EIF2B2: variants seen among roughly 807,000 people sequenced by gnomAD.
EIF2B2 encodes the protein eukaryotic translation initiation factor 2B subunit beta.
A neutral mutation model predicts 34.7 loss-of-function variants in EIF2B2; 34 were observed. The ratio of observed to expected loss-of-function variants is 0.98; its 90% CI spans 0.75 to 1.31. The LOEUF (loss-of-function observed/expected upper bound fraction) is 1.31. Ranked by LOEUF, EIF2B2 falls within the 50% of genes most tolerant of loss-of-function variation. The pLI is 0.00. For missense variants in EIF2B2, 361 were observed against 447.7 expected (o/e 0.81, Z 1.75); for synonymous variants, 155 against 171.6 (o/e 0.90, Z 0.76).
In EIF2B2 at chr14:75,003,090, A is replaced by G. The variant is rs1889563149; in HGVS notation, c.100A>G (p.Met34Val). ...TGGTGGGCCGCGCAGCTCCGAGGAA[A>G]TGGCTCGGGAGACCCTAGGGTTGCT... ...RGGGPRSSEE[M>V]ARETLGLLRQ... Residue 34 changes from methionine (M) to valine (V), a missense_variant, in exon 1 of 8, where the codon ATG becomes GTG. Coordinates refer to ENST00000266126, the MANE Select transcript of EIF2B2 (RefSeq NM_014239.4). 1 of 1,613,756 alleles carries G rather than the reference A, an allele frequency of 6.2e-7. No homozygotes were observed. The highest frequency in any genetic ancestry group is 1.7e-5 in the Admixed American group (1 of 59,998).
Position 75,006,836 on chromosome 14 carries a change from G to T in EIF2B2, c.831+122G>T. The stretch of plus-strand genomic sequence containing the variant: ...TCCATTTATCTGCATTTACTCAATG[G>T]ATTACACCCAGTGGAGGCTGGAAAG... On this transcript the variant is annotated intron_variant, in intron 6 of 7. Transcript: ENST00000266126. The surrounding 1 kb of genome is among the most constrained non-coding windows in gnomAD (Gnocchi z 4.1). The T allele has an allele frequency of 3.6e-6, 5 of 1,397,270 alleles. No homozygotes were observed. Among genetic ancestry groups the T allele is most frequent in the Non-Finnish European group, 5.0e-6 (5 of 995,126 alleles). 86.6% of individuals were successfully genotyped at this position (1,397,270 alleles called of 1,614,324 possible).
intron 7 of EIF2B2, chr14:75,008,184 T>C (rs1367741028): frequency 7.0e-6 from 2 of 284,122 alleles, no homozygotes; most frequent in Admixed American, 5.0e-5. Flanking sequence ...TGTTCCTCCT[T>C]AGAAAACTCA....
intron 4 of EIF2B2, 124 bp from the exon 5 acceptor site, chr14:75,005,742 C>G (rs1889617623): frequency 2.6e-6 from 2 of 783,258 alleles, no homozygotes; most frequent in Admixed American, 3.5e-5. Context: ...AATGAGTTAT[C>G]TATTGGAAAT....
chr14:75,003,549 A>G lies in EIF2B2; in HGVS notation c.285-2A>G, dbSNP rs376049144. 2.5e-6 allele frequency: 4 copies of G among 1,614,098 alleles called. No individual in the cohort carries two copies. Among genetic ancestry groups the G allele is most frequent in the Non-Finnish European group, 2.5e-6 (3 of 1,180,016 alleles). On this transcript the variant is annotated splice_acceptor_variant, in intron 2 of 7. Transcript: ENST00000266126. LOFTEE classifies it high-confidence loss of function. ...TCTCTTTGGGTCTTGTTGCCTCTAT[A>G]GACTCCATGGACGCAGCGACGAGAG...
rs1403618455 is a variant in EIF2B2, at chr14:75,003,277, G to A, written c.166G>A (p.Glu56Lys). The A allele has an allele frequency of 1.2e-6, 2 of 1,613,744 alleles. No individual in the cohort carries two copies. Among genetic ancestry groups the A allele is most frequent in the East Asian group, 2.2e-5 (1 of 44,864 alleles). ...ITDHRWSNAG[E>K]LMELIRREGR... is the part of the protein sequence containing the mutation. Reference sequence around the variant, plus strand: ...ATCCTCTCTCTTTTGGACTGTAGGGGAGCTGATGGAGCTGATCCGCAGAGA... The same window carrying A: ...ATCCTCTCTCTTTTGGACTGTAGGGAAGCTGATGGAGCTGATCCGCAGAGA... Residue 56 changes from glutamate to lysine, a missense_variant and splice_region_variant, in exon 2 of 8, where the codon GAG becomes AAG. Glu to Lys is a moderately conservative substitution (Grantham distance 56). Transcript: ENST00000266126.
Position 75,010,688 on chromosome 14 carries a change from C to T in EIF2B2, c.*1500C>T, listed in dbSNP as rs1176767326. 6.6e-6 allele frequency: 1 copy of T among 152,126 alleles called. No homozygotes were observed. Among genetic ancestry groups the T allele is most frequent in the African/African-American group, 2.4e-5 (1 of 41,444 alleles). 9.4% of individuals were successfully genotyped at this position (152,126 alleles called of 1,614,324 possible). On this transcript the variant is annotated 3_prime_UTR_variant, in exon 8 of 8. Coordinates refer to ENST00000266126, the MANE Select transcript of EIF2B2 (RefSeq NM_014239.4). The stretch of plus-strand genomic sequence containing the variant: ...CTGATGCCATTGGATGGAACATCTC[C>T]AGTTTTCTGCAGTTCCTACTGGATC...
rs1443277529 is a variant in EIF2B2 at position 75,004,643 on chromosome 14, G to GTGTGT, written c.434-92_434-88dup. The GTGTGT allele has an allele frequency of 1.6e-5, 7 of 427,844 alleles. No homozygotes were observed. The Admixed American group carries it at 1.7e-4, about 11-fold the overall frequency. The allele number at this position is 427,844 out of a possible 1,614,324, so 26.5% of individuals were successfully genotyped here. A position where few individuals can be genotyped will look rare whatever the true frequency, so the allele number is the denominator to read the frequency against. On this transcript the variant is annotated intron_variant, in intron 3 of 7. Transcript: ENST00000266126. Reference sequence around the variant, plus strand: ...ACATCTTTTTCCGTATACGCGTAATGTGTGTTTGTGATATAGCAATTTCAT... The same window carrying GTGTGT: ...ACATCTTTTTCCGTATACGCGTAATGTGTGTTGTGTTTGTGATATAGCAATTTCAT...
At chr14:75,007,433 T>G (rs1889643370) in intron 6 of EIF2B2, 1 of 369,480 alleles carries the variant, frequency 2.7e-6, no homozygotes, top group East Asian at 6.6e-5. Context: ...ATGTTGTGCC[T>G]GACTTTTTTC....
In EIF2B2 at chr14:75,006,690, A is replaced by C; in HGVS notation, c.807A>C (p.Ala269=). The C allele has an allele frequency of 6.2e-7, 1 of 1,614,192 alleles. No individual in the cohort carries two copies. The highest frequency in any genetic ancestry group is 8.5e-7 in the Non-Finnish European group (1 of 1,180,044). The part of the protein sequence containing the change: ...KHHSTPLIVC[A]PMFKLSPQFP... ...ATTCCACCCCACTCATCGTCTGTGC[A>C]CCTATGTTCAAACTTTCTCCACAGG... Residue 269 remains alanine (A), a synonymous_variant, in exon 6 of 8, where the codon GCA becomes GCC. Transcript: ENST00000266126. This position sits in a 1 kb window ranked among gnomAD's most constrained non-coding sequence, Gnocchi z 4.1.
chr14:75,009,521 C>A lies in EIF2B2; in HGVS notation c.*333C>A. 3.0e-6 allele frequency: 1 copy of A among 329,306 alleles called. No individual in the cohort carries two copies. The highest frequency in any genetic ancestry group is 5.8e-6 in the Non-Finnish European group (1 of 171,288). The allele number at this position is 329,306 out of a possible 1,614,324, so 20.4% of individuals were successfully genotyped here. On this transcript the variant is annotated 3_prime_UTR_variant, in exon 8 of 8. Transcript: ENST00000266126. The stretch of plus-strand genomic sequence containing the variant: ...TAACACTGAATACCTTACTGGGATA[C>A]AGATTTTTGCTCAGAAATGGCTATG...
At position 75,009,344 on chromosome 14, in the gene EIF2B2, C is replaced by A; in HGVS notation, c.*156C>A. 1 of 850,172 alleles carries A rather than the reference C, an allele frequency of 1.2e-6. No individual in the cohort carries two copies. Among genetic ancestry groups the A allele is most frequent in the Admixed American group, 1.9e-5 (1 of 52,084 alleles). 52.7% of individuals were successfully genotyped at this position (850,172 alleles called of 1,614,324 possible). On this transcript the variant is annotated 3_prime_UTR_variant, in exon 8 of 8. Coordinates refer to ENST00000266126, the MANE Select transcript of EIF2B2 (RefSeq NM_014239.4). ...TACTGTTGCCTGCCTTTTTAGTCACCCCGTAACAAGGGCACACATCCAGGA... is the reference window on the plus strand; with the variant it reads ...TACTGTTGCCTGCCTTTTTAGTCACACCGTAACAAGGGCACACATCCAGGA...
rs764989690 is a variant in EIF2B2, at chr14:75,003,002, C to A, written c.12C>A (p.Ser4=). Residue 4 remains serine, a synonymous_variant, in exon 1 of 8, where the codon TCC becomes TCA. Coordinates refer to ENST00000266126, the MANE Select transcript of EIF2B2 (RefSeq NM_014239.4). MPG[S]AAKGSELSER... is the part of the protein sequence containing the mutation. ...CAGCTACCTTAAAGATGCCGGGATC[C>A]GCAGCGAAGGGCTCGGAGTTGTCAG... 2 of 1,613,996 alleles carry A rather than the reference C, an allele frequency of 1.2e-6. No individual in the cohort carries two copies. The highest frequency in any genetic ancestry group is 2.7e-5 in the African/African-American group (2 of 74,942).
At chr14:75,007,150 C>A in intron 6 of EIF2B2, 1 of 456,916 alleles carries the variant, frequency 2.2e-6, no homozygotes, top group South Asian at 1.6e-5. Context: ...AAAACATCAA[C>A]CTATTTATAG....
rs771318323 is a variant in EIF2B2, at chr14:75,005,966, G to T, written c.693+5G>T. On this transcript the variant is annotated splice_donor_5th_base_variant and intron_variant, in intron 5 of 7. Transcript: ENST00000266126. ...GTTATGTCAAGAGTCAACAAGGTGG[G>T]TATATCTGGAGTTATGTTGAATTCA... 6 of 1,608,184 alleles carry T rather than the reference G, an allele frequency of 3.7e-6. No homozygotes were observed. In the Admixed American group the frequency reaches 6.7e-5, roughly 18 times the overall value.
rs1200323964 is a variant in EIF2B2 at position 75,012,264 on chromosome 14, AAC to A, written c.*3078_*3079del. 2 of 152,188 alleles carry A rather than the reference AAC, an allele frequency of 1.3e-5. No individual in the cohort carries two copies. Among genetic ancestry groups the A allele is most frequent in the African/African-American group, 4.8e-5 (2 of 41,444 alleles). The allele number at this position is 152,188 out of a possible 1,614,324, so 9.4% of individuals were successfully genotyped here. On this transcript the variant is annotated 3_prime_UTR_variant, in exon 8 of 8. Coordinates refer to ENST00000266126, the MANE Select transcript of EIF2B2 (RefSeq NM_014239.4). ...GAACCGAGAAACTCGGAAAAAAACAAACAAAAAAACAACTGTTGTAGCTTGGA... is the reference window on the plus strand; with the variant it reads ...GAACCGAGAAACTCGGAAAAAAACAAAAAAAAACAACTGTTGTAGCTTGGA...
chr14:75,005,201 AC>A (rs1489047054), intron 4 of EIF2B2: 12 of 350,508 alleles, frequency 3.4e-5, no homozygotes, highest in Non-Finnish European at 6.7e-5. Flanking sequence ...ACATGACAAA[AC>A]CCCGTCTCCA....
At chr14:75,003,250 T>A in intron 1 of EIF2B2, 25 bp from the exon 2 acceptor site, 5 of 1,613,556 alleles carry the variant, frequency 3.1e-6, no homozygotes, top group Non-Finnish European at 4.2e-6. Context: ...TTGGCTCCTC[T>A]TATCCTCTCT....
rs1366134225 is a variant in EIF2B2, at chr14:75,011,260, C to T, written c.*2072C>T. The T allele has an allele frequency of 6.6e-6, 1 of 152,156 alleles. No individual in the cohort carries two copies. Among genetic ancestry groups the T allele is most frequent in the Non-Finnish European group, 1.5e-5 (1 of 68,044 alleles). The allele number at this position is 152,156 out of a possible 1,614,324, so 9.4% of individuals were successfully genotyped here. ...CAGTATAGAAGTATAATACCAAGCA[C>T]AGCAAGCAGAGGGACATCCTCTAAT... On this transcript the variant is annotated 3_prime_UTR_variant, in exon 8 of 8. Transcript: ENST00000266126.
chr14:75,007,780 T>A lies in EIF2B2; in HGVS notation c.890T>A (p.Phe297Tyr). ...KFVAPEEVLP[F>Y]TEGDILEKVS... Reference sequence around the variant, plus strand: ...GTGGCTCCTGAAGAAGTCCTGCCATTCACAGAAGGTACAGAAGCTGTGTGT... The same window carrying A: ...GTGGCTCCTGAAGAAGTCCTGCCATACACAGAAGGTACAGAAGCTGTGTGT... Residue 297 changes from phenylalanine to tyrosine, a missense_variant, in exon 7 of 8, where the codon TTC (phenylalanine) becomes TAC (tyrosine). Coordinates refer to ENST00000266126, the MANE Select transcript of EIF2B2 (RefSeq NM_014239.4). 3 of 1,613,920 alleles carry A rather than the reference T, an allele frequency of 1.9e-6. No individual in the cohort carries two copies. The highest frequency in any genetic ancestry group is 2.5e-6 in the Non-Finnish European group (3 of 1,179,916).
Sources: gnomAD v4.1 joint callset for allele counts on GRCh38, gnomAD v4.1.1 for gene constraint, Gnocchi (gnomAD v3.1) non-coding constraint, MANE v1.5 for transcripts, NCBI Gene and HGNC (gene_info 2026-07-23, HGNC 2026-07-21) for gene names.